The following TEK variants were observed in gnomAD, a reference collection of about 807,000 sequenced individuals.
The protein encoded by TEK is TEK receptor tyrosine kinase, also known as angiopoietin-1 receptor.
A neutral mutation model predicts 131.8 loss-of-function variants in TEK; 43 were observed. The ratio of observed to expected loss-of-function variants is 0.33; its 90% CI spans 0.26 to 0.42. The LOEUF (loss-of-function observed/expected upper bound fraction) is 0.42, where lower values mean the gene tolerates loss of function less well. Among genes scored for constraint, TEK ranks in the 10% least tolerant of loss-of-function variants. The probability of loss-of-function intolerance (pLI) is 1.00; values close to 1 mark genes in which losing one functional copy is unlikely to be tolerated. For synonymous variants in TEK, 580 were observed against 491.6 expected (o/e 1.18, Z -2.38); for missense variants, 1,162 against 1,384.4 (o/e 0.84, Z 2.55).
rs772600804 is a variant in TEK, at chr9:27,217,703, C to T, written c.3007C>T (p.Arg1003Cys). The T allele has an allele frequency of 1.5e-5, 24 of 1,613,624 alleles. No homozygotes were observed. The highest frequency in any genetic ancestry group is 6.6e-5 in the South Asian group (6 of 91,070). Residue 1003 changes from arginine (R) to cysteine (C), a missense_variant, in exon 19 of 23, where the codon CGC (arginine) becomes TGC (cysteine). Physicochemically the swap from Arg to Cys is radical, Grantham distance 180 (BLOSUM62 -3). This residue lies in a region of TEK where 107 missense variants were observed against 173.9 expected (regional missense o/e 0.62). Coordinates refer to ENST00000380036, the MANE Select transcript of TEK (RefSeq NM_000459.5). ...VKKTMGRLPVRWMAIESLNYS... is the reference protein window; with the variant it reads ...VKKTMGRLPVCWMAIESLNYS... Reference sequence around the variant, plus strand: ...TTCTCTCCAGGGAAGGCTCCCAGTGCGCTGGATGGCCATCGAGTCACTGAA... The same window carrying T: ...TTCTCTCCAGGGAAGGCTCCCAGTGTGCTGGATGGCCATCGAGTCACTGAA...
intron 2 of TEK, among the ~76,000 whole-genome samples, chr9:27,159,793 A>G (rs1024004426): frequency 1.3e-5 from 2 of 152,138 alleles, no homozygotes; most frequent in African/African-American, 2.4e-5. Flanking sequence ...GGTGCTCTTG[A>G]TGCTGTCTGC....
intron 21 of TEK, among the ~76,000 whole-genome samples, chr9:27,221,393 G>A (rs1285489337): frequency 2.6e-5 from 4 of 152,166 alleles, no homozygotes; most frequent in Admixed American, 2.6e-4. Context: ...GAGAGCAGTG[G>A]ATCTCCCAGC....
intron 7 of TEK, among the ~76,000 whole-genome samples, chr9:27,181,086 G>T (rs1824353883): frequency 6.6e-6 from 1 of 151,924 alleles, no homozygotes; most frequent in Non-Finnish European, 1.5e-5. Context: ...TTTATTTGCA[G>T]TTGACCTTAA....
In TEK at chr9:27,196,009, C is replaced by T. The variant is rs114924497; in HGVS notation, c.1625-1306C>T. Among the ~76,000 whole-genome samples, 603 of 152,292 alleles carry T rather than the reference C, an allele frequency of 4.0e-3. 3 individuals carry two copies. The highest frequency in any genetic ancestry group is 0.014 in the African/African-American group (582 of 41,560). ...TGATGTGATCAGAGCAGGAATAGGC[C>T]TGGCCCTGCCACCACAGCTGTATGA... On this transcript the variant is annotated intron_variant, in intron 11 of 22. Coordinates refer to ENST00000380036, the MANE Select transcript of TEK (RefSeq NM_000459.5).
intron 1 of TEK, among the ~76,000 whole-genome samples, chr9:27,133,303 T>C (rs557723827): frequency 6.6e-6 from 1 of 152,216 alleles, no homozygotes; most frequent in Non-Finnish European, 1.5e-5. Context: ...TTTAGGATCA[T>C]TAAATAGTTG....
intron 7 of TEK, among the ~76,000 whole-genome samples, chr9:27,181,076 T>G (rs1824353373): frequency 6.6e-6 from 1 of 152,146 alleles, no homozygotes; most frequent in Non-Finnish European, 1.5e-5. Flanking sequence ...CTGACAACCA[T>G]TTATTTGCAG....
At chr9:27,172,855 GT>G in intron 5 of TEK, 108 bp downstream of exon 5, 1 of 1,457,778 alleles carries the variant, frequency 6.9e-7, no homozygotes, top group Non-Finnish European at 9.5e-7. Flanking sequence ...AATGGCCTCT[GT>G]TAGGTCAGAT....
intron 9 of TEK, among the ~76,000 whole-genome samples, chr9:27,190,034 A>G (rs1222699596): frequency 6.6e-6 from 1 of 152,222 alleles, no homozygotes; most frequent in Non-Finnish European, 1.5e-5. Flanking sequence ...CCACCTGTGA[A>G]ATATTCACAT....
chr9:27,144,873 A>T (rs979097410), intron 1 of TEK, among the ~76,000 whole-genome samples: 6 of 152,212 alleles, frequency 3.9e-5, no homozygotes, highest in African/African-American at 9.6e-5. Flanking sequence ...GAAAAGCAAC[A>T]TATAGGGAGG....
At chr9:27,216,580 G>T (rs368148429) in intron 18 of TEK, among the ~76,000 whole-genome samples, 13 of 152,082 alleles carry the variant, frequency 8.5e-5, no homozygotes, top group African/African-American at 2.9e-4. Flanking sequence ...TAAATAGGTA[G>T]ATGTGAGAAA....
chr9:27,156,663 A>G (rs1400248151), intron 1 of TEK, among the ~76,000 whole-genome samples: 4 of 152,198 alleles, frequency 2.6e-5, no homozygotes, highest in Non-Finnish European at 5.9e-5. Context: ...TAGCTGCTCA[A>G]TCTTTTGAGC....
At chr9:27,141,284 G>C (rs1822713518) in intron 1 of TEK, among the ~76,000 whole-genome samples, 1 of 151,494 alleles carries the variant, frequency 6.6e-6, no homozygotes, top group African/African-American at 2.4e-5. Flanking sequence ...ATCTTCCCTG[G>C]TTATTTTGAT....
chr9:27,221,947 T>G (rs1826101203), intron 21 of TEK, among the ~76,000 whole-genome samples: 1 of 152,154 alleles, frequency 6.6e-6, no homozygotes, highest in Non-Finnish European at 1.5e-5. Context: ...TCCTTCAAGC[T>G]AAACGAGCAT....
At position 27,166,012 on chromosome 9, in the gene TEK, G is replaced by T. The variant is rs966004434; in HGVS notation, c.365-2483G>T. On this transcript the variant is annotated intron_variant, in intron 2 of 22. Transcript: ENST00000380036. ...TCAGCCAGTGGCGCGCACAGCGCTT[G>T]ATTAGTCTTTCTCAAACCACCATCT... Among the ~76,000 whole-genome samples the T allele has an allele frequency of 3.9e-5, 6 of 152,374 alleles. No individual in the cohort carries two copies. In the East Asian group the frequency reaches 1.2e-3, roughly 29 times the overall value.
intron 2 of TEK, among the ~76,000 whole-genome samples, chr9:27,166,029 C>G (rs1356197713): frequency 6.6e-6 from 1 of 152,256 alleles, no homozygotes; most frequent in African/African-American, 2.4e-5. Context: ...CTTTCTCAAA[C>G]CACCATCTGA....
intron 2 of TEK, among the ~76,000 whole-genome samples, chr9:27,166,759 G>C (rs566119064): frequency 6.6e-6 from 1 of 152,140 alleles, no homozygotes; most frequent in Non-Finnish European, 1.5e-5. Context: ...TTATGTGTGT[G>C]TGTGTTTTAG....
intron 2 of TEK, among the ~76,000 whole-genome samples, chr9:27,164,005 A>G (rs1823632756): frequency 6.6e-6 from 1 of 152,244 alleles, no homozygotes; most frequent in Non-Finnish European, 1.5e-5. Flanking sequence ...TAAGCAAGTT[A>G]TCTTCCAACC....
At chr9:27,205,340 TG>T (rs1361962781) in intron 14 of TEK, among the ~76,000 whole-genome samples, 2 of 152,170 alleles carry the variant, frequency 1.3e-5, no homozygotes, top group Non-Finnish European at 2.9e-5. Flanking sequence ...ATGAGACATA[TG>T]GTCATCCTAG....
Position 27,157,847 on chromosome 9 carries a change from C to T in TEK, c.69C>T (p.Ala23=), listed in dbSNP as rs751628268. The T allele has an allele frequency of 1.2e-5, 19 of 1,614,054 alleles. No homozygotes were observed. The South Asian group carries it at 2.1e-4, about 18-fold the overall frequency. ...TCCTTTTAGGAACTGTGGAAGGTGCCATGGACTTGATCTTGATCAATTCCC... is the reference window on the plus strand; with the variant it reads ...TCCTTTTAGGAACTGTGGAAGGTGCTATGGACTTGATCTTGATCAATTCCC... The part of the protein sequence containing the change: ...SLLLSGTVEG[A]MDLILINSLP... The change falls in exon 2 of 23, where the codon GCC becomes GCT. Residue 23 remains alanine, a synonymous_variant. Coordinates refer to ENST00000380036, the MANE Select transcript of TEK (RefSeq NM_000459.5).
Sources: allele counts gnomAD v4.1 joint callset (sites outside exome capture counted in the v4.1 genomes callset), GRCh38; gene constraint gnomAD v4.1.1; regional missense constraint gnomAD v4.1.1; transcripts MANE v1.5; gene names NCBI Gene and HGNC (gene_info 2026-07-23, HGNC 2026-07-21).